The following NAALADL2 variants were observed in gnomAD, a reference collection of about 807,000 sequenced individuals.
NAALADL2 encodes inactive N-acetylated-alpha-linked acidic dipeptidase-like protein 2.
In NAALADL2, 76 loss-of-function variants were observed where a neutral mutation model predicts 87.2. That is an observed-to-expected ratio of 0.87 (90% CI 0.72 to 1.05). The LOEUF is 1.05. Among genes scored for constraint, NAALADL2 ranks in the 50% least tolerant of loss-of-function variants. The pLI is 0.00. For missense variants in NAALADL2, 1,089 were observed against 945.8 expected (o/e 1.15, Z -1.99); for synonymous variants, 354 against 331.0 (o/e 1.07, Z -0.75).
intron 13 of NAALADL2, among the ~76,000 whole-genome samples, chr3:175,759,176 T>C (rs781428885): frequency 6.6e-6 from 1 of 152,080 alleles, no homozygotes; most frequent in Non-Finnish European, 1.5e-5. Context: ...AAACTGGCAA[T>C]ATAAGATCCC....
intron 1 of NAALADL2, among the ~76,000 whole-genome samples, chr3:174,456,081 G>T (rs900029233): frequency 6.6e-6 from 1 of 151,970 alleles, no homozygotes; most frequent in African/African-American, 2.4e-5. Flanking sequence ...CAAGCCAAGA[G>T]GCAAATCAGG....
At chr3:175,705,016 G>C (rs377000696) in intron 11 of NAALADL2, among the ~76,000 whole-genome samples, 1 of 152,138 alleles carries the variant, frequency 6.6e-6, no homozygotes, top group Non-Finnish European at 1.5e-5. Context: ...AAAATGAATC[G>C]GAGCCTTGTA....
chr3:174,599,040 A>C (rs1475651279), intron 2 of NAALADL2, among the ~76,000 whole-genome samples: 2 of 152,172 alleles, frequency 1.3e-5, no homozygotes, highest in African/African-American at 4.8e-5. Flanking sequence ...TCAGCTTGTC[A>C]GCGATGACAG....
At chr3:175,310,271 G>T (rs1242754187) in intron 4 of NAALADL2, among the ~76,000 whole-genome samples, 2 of 151,834 alleles carry the variant, frequency 1.3e-5, no homozygotes, top group African/African-American at 4.8e-5. Flanking sequence ...TTCATAGGAT[G>T]ATTCATAATG....
At chr3:175,444,766 A>G (rs148264344) in intron 5 of NAALADL2, among the ~76,000 whole-genome samples, 171 of 152,336 alleles carry the variant, frequency 1.1e-3, no homozygotes, top group African/African-American at 3.9e-3. Context: ...ATGCACTGTT[A>G]TCTATATAAG....
intron 3 of NAALADL2, among the ~76,000 whole-genome samples, chr3:175,255,723 T>A (rs758574481): frequency 3.1e-4 from 47 of 152,170 alleles, no homozygotes; most frequent in Non-Finnish European, 3.5e-4. Flanking sequence ...AGATTTTTTC[T>A]TTTTTGCATT....
At chr3:175,407,472 AC>A (rs1467291716) in intron 5 of NAALADL2, among the ~76,000 whole-genome samples, 1 of 152,178 alleles carries the variant, frequency 6.6e-6, no homozygotes, top group Admixed American at 6.5e-5. Flanking sequence ...ATATACTTCT[AC>A]ATTACAAACC....
rs746685090 is a variant in NAALADL2 at position 175,803,050 on chromosome 3, A to G, written c.2235A>G (p.Ile745Met). Residue 745 changes from isoleucine (I) to methionine (M), a missense_variant, in exon 14 of 14, where the codon ATA (isoleucine) becomes ATG (methionine). Physicochemically the swap from Ile to Met is conservative, Grantham distance 10. Coordinates refer to ENST00000454872, the MANE Select transcript of NAALADL2 (RefSeq NM_207015.3). ...HLDEKTSRFS[I>M]LIEAWEHCKP... is the part of the protein sequence containing the mutation. ...ATGAAAAGACAAGCCGGTTTTCAAT[A>G]CTTATAGAGGCTTGGGAACACTGCA... 5.5e-5 allele frequency: 88 copies of G among 1,612,248 alleles called. No homozygotes were observed. The highest frequency in any genetic ancestry group is 5.2e-4 in the Admixed American group (31 of 59,750).
intron 5 of NAALADL2, among the ~76,000 whole-genome samples, chr3:175,393,571 G>T: frequency 6.6e-6 from 1 of 151,948 alleles, no homozygotes; most frequent in East Asian, 1.9e-4. Flanking sequence ...AACATGCGGT[G>T]AATCTATTTT....
chr3:175,477,983 C>G (rs1560618305), intron 9 of NAALADL2, among the ~76,000 whole-genome samples: 1 of 152,002 alleles, frequency 6.6e-6, no homozygotes, highest in African/African-American at 2.4e-5. Context: ...TCACTCCGCT[C>G]TTGATGATTT....
intron 3 of NAALADL2, among the ~76,000 whole-genome samples, chr3:174,839,936 A>G (rs896412944): frequency 9.8e-5 from 15 of 152,312 alleles, no homozygotes; most frequent in African/African-American, 3.4e-4. Flanking sequence ...TATGGAAAAC[A>G]GTGTGGAGAT....
intron 5 of NAALADL2, among the ~76,000 whole-genome samples, chr3:175,372,642 C>A (rs1766652144): frequency 6.6e-6 from 1 of 152,160 alleles, no homozygotes; most frequent in Non-Finnish European, 1.5e-5. Context: ...CCAACATATG[C>A]CTCATTGGCC....
At chr3:175,010,207 G>T (rs1211229723) in intron 1 of NAALADL2, among the ~76,000 whole-genome samples, 1 of 152,108 alleles carries the variant, frequency 6.6e-6, no homozygotes, top group Non-Finnish European at 1.5e-5. Context: ...TAAACTAAGG[G>T]AGTGAAGGAA....
chr3:175,084,894 C>T (rs1002543298), intron 1 of NAALADL2, among the ~76,000 whole-genome samples: 1 of 152,160 alleles, frequency 6.6e-6, no homozygotes, highest in Admixed American at 6.5e-5. Context: ...GGGGGAACTA[C>T]TAGCAGTACG....
intron 2 of NAALADL2, among the ~76,000 whole-genome samples, chr3:174,576,741 G>A (rs1423466758): frequency 6.6e-6 from 1 of 152,152 alleles, no homozygotes; most frequent in African/African-American, 2.4e-5. Flanking sequence ...CTTGTTGCAT[G>A]TAATACACTG....
intron 4 of NAALADL2, among the ~76,000 whole-genome samples, chr3:175,266,426 C>T (rs1351980487): frequency 6.6e-6 from 1 of 151,170 alleles, no homozygotes; most frequent in Non-Finnish European, 1.5e-5. Context: ...TTAAATTTTG[C>T]CTAATATTCA....
chr3:175,544,403 A>G (rs909567949), intron 9 of NAALADL2, among the ~76,000 whole-genome samples: 5 of 152,160 alleles, frequency 3.3e-5, no homozygotes, highest in Non-Finnish European at 7.4e-5. Context: ...TGTCGACATG[A>G]TAGAGATGGT....
At chr3:175,760,858 T>G (rs9826187) in intron 13 of NAALADL2, among the ~76,000 whole-genome samples, 26,106 of 152,146 alleles carry the variant, frequency 0.17, 2,653 homozygotes, top group African/African-American at 0.28. Context: ...TTTGATTTTC[T>G]TAAACAAATT....
At chr3:175,669,272 A>G (rs568602972) in intron 11 of NAALADL2, among the ~76,000 whole-genome samples, 1 of 152,218 alleles carries the variant, frequency 6.6e-6, no homozygotes, top group East Asian at 1.9e-4. Flanking sequence ...AAGTCATGTG[A>G]CAATCTATTT....
Sources: gnomAD v4.1 joint callset for allele counts (sites outside exome capture counted in the v4.1 genomes callset) on GRCh38, gnomAD v4.1.1 for gene constraint, MANE v1.5 for transcripts, NCBI Gene and HGNC (gene_info 2026-07-23, HGNC 2026-07-21) for gene names.